The following DNAH7 variants were observed in gnomAD, a reference collection of about 807,000 sequenced individuals.
DNAH7 encodes the protein axonemal beta dynein heavy chain 7.
A neutral mutation model predicts 444.6 loss-of-function variants in DNAH7; 397 were observed. That is an observed-to-expected ratio of 0.89 (90% confidence interval 0.82 to 0.97). The LOEUF is 0.97. DNAH7 is among the 50% of genes least tolerant of loss of function. DNAH7 has a pLI of 0.00. For synonymous variants in DNAH7, 1,636 were observed against 1,624.4 expected (o/e 1.01, Z -0.17); for missense variants, 4,902 against 4,800.8 (o/e 1.02, Z -0.62).
chr2:195,853,590 A>C (rs898673857), intron 45 of DNAH7, 62 bp from the exon 46 acceptor site: 6 of 1,463,432 alleles, frequency 4.1e-6, no homozygotes, highest in Non-Finnish European at 5.5e-6. Context: ...AAATTCTGCA[A>C]GATTTTACCC....
At chr2:195,812,525 TTC>T (rs1697017417) in intron 51 of DNAH7, among the ~76,000 whole-genome samples, 2 of 152,180 alleles carry the variant, frequency 1.3e-5, no homozygotes, top group South Asian at 4.1e-4. Flanking sequence ...AAGTTATTTA[TTC>T]TGTTACATAA....
In DNAH7 at chr2:195,738,681, T is replaced by C. The variant is rs943508767; in HGVS notation, c.11869-554A>G. Among the ~76,000 whole-genome samples, 6 of 152,202 alleles carry C rather than the reference T, an allele frequency of 3.9e-5. 1 individual carries two copies. The highest frequency in any genetic ancestry group is 1.4e-4 in the African/African-American group (6 of 41,438). On this transcript the variant is annotated intron_variant, in intron 64 of 64. Transcript: ENST00000312428. ...TTAGTCATTAAATTCCTACAATTTG[T>C]TATTAGACCTCATCAATCTTAAAAA...
At chr2:195,817,923 A>G (rs1342437563) in intron 49 of DNAH7, 94 bp from the exon 50 acceptor site, 4 of 883,952 alleles carry the variant, frequency 4.5e-6, no homozygotes, top group Admixed American at 3.0e-5. Context: ...AATAGACTCT[A>G]TTTACTATAT....
At chr2:195,773,211 C>G (rs1319851659) in intron 60 of DNAH7, among the ~76,000 whole-genome samples, 2 of 151,954 alleles carry the variant, frequency 1.3e-5, no homozygotes, top group South Asian at 2.1e-4. Context: ...TATAATAATC[C>G]TTTATTATGA....
intron 31 of DNAH7, among the ~76,000 whole-genome samples, chr2:195,890,929 G>A (rs192201085): frequency 1.3e-3 from 192 of 152,272 alleles, no homozygotes; most frequent in Non-Finnish European, 2.2e-3. Context: ...CAACTTAAAC[G>A]TCCTGAGCCT....
rs1699772277 is a variant in DNAH7, at chr2:195,857,370, CACTT to C, written c.8414+3_8414+6del. The stretch of plus-strand genomic sequence containing the variant: ...TACCAGCTGGATTTCTTTTTATCAG[CACTT>C]ACTTATCATATGAATCCATTGCTAT... On this transcript the variant is annotated splice_donor_5th_base_variant and intron_variant, in intron 44 of 64. Transcript: ENST00000312428. The C allele has an allele frequency of 6.5e-7, 1 of 1,549,572 alleles. No individual in the cohort carries two copies. Among genetic ancestry groups the C allele is most frequent in the Non-Finnish European group, 8.7e-7 (1 of 1,154,452 alleles).
intron 48 of DNAH7, among the ~76,000 whole-genome samples, chr2:195,827,750 T>A (rs73062487): frequency 0.061 from 9,212 of 151,866 alleles, 371 homozygotes; most frequent in African/African-American, 0.12. Flanking sequence ...AGCTAATTTT[T>A]TTTTTTTTCA....
At chr2:196,051,271 GA>G in intron 2 of DNAH7, 22 bp from the exon 3 acceptor site, 2 of 1,601,814 alleles carry the variant, frequency 1.2e-6, no homozygotes, top group Non-Finnish European at 1.7e-6. Context: ...ATATGAAGGG[GA>G]AAAAAGTGTT....
intron 44 of DNAH7, among the ~76,000 whole-genome samples, chr2:195,856,484 T>C (rs1699717049): frequency 6.6e-6 from 1 of 152,038 alleles, no homozygotes; most frequent in South Asian, 2.1e-4. Flanking sequence ...GAAAATGGAG[T>C]CAGTCATGTT....
intron 7 of DNAH7, among the ~76,000 whole-genome samples, chr2:196,025,171 T>A (rs1208759532): frequency 6.6e-6 from 1 of 152,128 alleles, no homozygotes; most frequent in African/African-American, 2.4e-5. Context: ...GAGGGGAGTG[T>A]CCTGGAACCA....
At chr2:195,758,579 C>G (rs1054865900) in intron 61 of DNAH7, among the ~76,000 whole-genome samples, 1 of 152,094 alleles carries the variant, frequency 6.6e-6, no homozygotes, top group Non-Finnish European at 1.5e-5. Context: ...TCATAAGAAC[C>G]AAAAATCAGG....
At chr2:195,808,597 T>C in intron 53 of DNAH7, 85 bp downstream of exon 53, 9 of 1,515,256 alleles carry the variant, frequency 5.9e-6, no homozygotes, top group Non-Finnish European at 5.4e-6. Flanking sequence ...TTAAAGCTTA[T>C]TTAAATCTTG....
chr2:195,844,368 C>T (rs1015363886), intron 47 of DNAH7, among the ~76,000 whole-genome samples: 12 of 152,088 alleles, frequency 7.9e-5, no homozygotes, highest in South Asian at 2.1e-4. Context: ...AAAAGGCTCA[C>T]GGTAATGTGA....
At chr2:196,041,363 C>T (rs1046173627) in intron 5 of DNAH7, among the ~76,000 whole-genome samples, 6 of 152,028 alleles carry the variant, frequency 3.9e-5, no homozygotes, top group African/African-American at 1.4e-4. Context: ...TAAAAACAGA[C>T]ACTTAGACCT....
intron 51 of DNAH7, among the ~76,000 whole-genome samples, chr2:195,813,793 GGA>G (rs1167363459): frequency 1.3e-5 from 2 of 152,170 alleles, no homozygotes; most frequent in South Asian, 2.1e-4. Flanking sequence ...CTGTCTTTGA[GGA>G]GAGAGTTTCT....
chr2:195,922,099 A>G lies in DNAH7; in HGVS notation c.3924T>C (p.Asp1308=), dbSNP rs761648064. The change falls in exon 24 of 65, where the codon GAT becomes GAC. Residue 1308 remains aspartate, a synonymous_variant. Transcript: ENST00000312428. ...SPRLVITPLT[D]RCYRTLFGAL... ...ATTAAAGGGTTTACCTGTAACATCT[A>G]TCCGTGAGTGGTGTAATAACCAGCC... 1 of 1,593,236 alleles carries G rather than the reference A, an allele frequency of 6.3e-7. No homozygotes were observed. The highest frequency in any genetic ancestry group is 8.6e-7 in the Non-Finnish European group (1 of 1,161,058).
intron 1 of DNAH7, among the ~76,000 whole-genome samples, chr2:196,059,541 G>A (rs542942469): frequency 2.0e-5 from 3 of 152,276 alleles, no homozygotes; most frequent in East Asian, 1.9e-4. Flanking sequence ...AGAGGAAGAG[G>A]CTTTCTTCCT....
chr2:195,840,578 G>T (rs1442926368), intron 47 of DNAH7, among the ~76,000 whole-genome samples: 1 of 151,704 alleles, frequency 6.6e-6, no homozygotes, highest in Non-Finnish European at 1.5e-5. Context: ...ATTGCAAACA[G>T]CATGATTGTC....
chr2:195,760,894 C>T (rs141612190), intron 61 of DNAH7, among the ~76,000 whole-genome samples: 25 of 151,994 alleles, frequency 1.6e-4, no homozygotes, highest in African/African-American at 6.0e-4. Context: ...CAAACATCCA[C>T]AAGCATCAAG....
Sources: allele counts gnomAD v4.1 joint callset (sites outside exome capture counted in the v4.1 genomes callset), GRCh38; gene constraint gnomAD v4.1.1; transcripts MANE v1.5; gene names NCBI Gene and HGNC (gene_info 2026-07-23, HGNC 2026-07-21).